L3MBTL4: variants seen among roughly 807,000 people sequenced by gnomAD.
L3MBTL4 encodes L3MBTL histone methyl-lysine binding protein 4.
In L3MBTL4, 70 loss-of-function variants were observed where a neutral mutation model predicts 84.5. That is an observed-to-expected ratio of 0.83 (90% CI 0.68 to 1.01). The LOEUF (loss-of-function observed/expected upper bound fraction) is 1.01. Among genes scored for constraint, L3MBTL4 ranks in the 50% least tolerant of loss-of-function variants. The pLI, the probability that L3MBTL4 is intolerant of heterozygous loss-of-function variation, is 0.00. For missense variants in L3MBTL4, 715 were observed against 754.8 expected (o/e 0.95, Z 0.62); for synonymous variants, 274 against 259.8 (o/e 1.05, Z -0.52).
intron 4 of L3MBTL4, among the ~76,000 whole-genome samples, chr18:6,276,297 C>T (rs58863290): frequency 0.017 from 2,577 of 152,282 alleles, 73 homozygotes; most frequent in African/African-American, 0.058. Flanking sequence ...CTCCTGAGGG[C>T]GCAGCCTTAA....
At position 6,026,904 on chromosome 18, in the gene L3MBTL4, T is replaced by C. The variant is rs529532473; in HGVS notation, c.1444+53977A>G. Among the ~76,000 whole-genome samples the C allele has an allele frequency of 1.1e-4, 16 of 152,128 alleles. No homozygotes were observed. The South Asian group carries it at 3.1e-3, about 30-fold the overall frequency. On this transcript the variant is annotated intron_variant, in intron 16 of 18. Coordinates refer to ENST00000317931, the MANE Select transcript of L3MBTL4 (RefSeq NM_001330559.2). Reference sequence around the variant, plus strand: ...CAAATCTATAATTTATTGCCTTAATTTTCCTCATGTTATGTTAAATTTAAC... The same window carrying C: ...CAAATCTATAATTTATTGCCTTAATCTTCCTCATGTTATGTTAAATTTAAC...
intron 12 of L3MBTL4, among the ~76,000 whole-genome samples, chr18:6,175,676 G>A (rs2145263673): frequency 6.6e-6 from 1 of 152,152 alleles, no homozygotes; most frequent in Non-Finnish European, 1.5e-5. Context: ...AAATAGAAGG[G>A]AACTCCCTCA....
chr18:6,334,623 C>G (rs1289147148), intron 1 of L3MBTL4, among the ~76,000 whole-genome samples: 1 of 152,054 alleles, frequency 6.6e-6, no homozygotes, highest in African/African-American at 2.4e-5. Flanking sequence ...TTTTTTCTTA[C>G]TAGTGGTCCT....
intron 5 of L3MBTL4, among the ~76,000 whole-genome samples, chr18:6,248,644 T>C (rs1021713121): frequency 1.3e-5 from 2 of 152,218 alleles, no homozygotes; most frequent in Non-Finnish European, 2.9e-5. Context: ...CAGTTATATG[T>C]AGGTTTTTCT....
At chr18:6,149,606 T>C (rs1315839422) in intron 13 of L3MBTL4, among the ~76,000 whole-genome samples, 1 of 152,128 alleles carries the variant, frequency 6.6e-6, no homozygotes, top group Admixed American at 6.6e-5. Context: ...TAGTTCTAGA[T>C]CCCTGAGGAA....
intron 1 of L3MBTL4, among the ~76,000 whole-genome samples, chr18:6,368,994 A>T (rs2054047038): frequency 6.6e-6 from 1 of 151,646 alleles, no homozygotes; most frequent in Non-Finnish European, 1.5e-5. Flanking sequence ...GTGAGCCGAG[A>T]TCTCGCCACT....
chr18:6,144,278 C>T (rs909400709), intron 13 of L3MBTL4, among the ~76,000 whole-genome samples: 8 of 148,070 alleles, frequency 5.4e-5, no homozygotes, highest in Non-Finnish European at 7.5e-5. Flanking sequence ...GAGATCATCA[C>T]TATTTTATTC....
At chr18:6,290,787 C>G (rs1487910489) in intron 4 of L3MBTL4, among the ~76,000 whole-genome samples, 3 of 152,142 alleles carry the variant, frequency 2.0e-5, no homozygotes, top group Non-Finnish European at 4.4e-5. Context: ...CTCGGCCTCC[C>G]AAACTACTAG....
chr18:5,993,192 G>A (rs576271834), intron 16 of L3MBTL4, among the ~76,000 whole-genome samples: 8 of 152,260 alleles, frequency 5.3e-5, no homozygotes, highest in Non-Finnish European at 7.4e-5. Context: ...CATAAACACC[G>A]TCCTCTGTTT....
At chr18:6,198,572 G>A (rs2045510993) in intron 12 of L3MBTL4, among the ~76,000 whole-genome samples, 1 of 152,100 alleles carries the variant, frequency 6.6e-6, no homozygotes. Context: ...TCCTTTGTCT[G>A]TTTCTCCATT....
intron 16 of L3MBTL4, among the ~76,000 whole-genome samples, chr18:6,044,974 G>A (rs1177942310): frequency 6.6e-6 from 1 of 152,180 alleles, no homozygotes; most frequent in Non-Finnish European, 1.5e-5. Flanking sequence ...CCTGCTGGTG[G>A]ACAACAGTTC....
chr18:6,166,612 G>T (rs2043672375), intron 13 of L3MBTL4, among the ~76,000 whole-genome samples: 1 of 152,154 alleles, frequency 6.6e-6, no homozygotes, highest in Non-Finnish European at 1.5e-5. Context: ...CAGAGATAAA[G>T]ATGTTCTTTG....
chr18:6,049,574 A>T (rs1014988693), intron 16 of L3MBTL4, among the ~76,000 whole-genome samples: 3 of 152,354 alleles, frequency 2.0e-5, no homozygotes, highest in Admixed American at 1.3e-4. Flanking sequence ...AACAACGTGG[A>T]TGCAGCTGGA....
chr18:6,212,454 T>C (rs1208056646), intron 12 of L3MBTL4, among the ~76,000 whole-genome samples: 1 of 152,242 alleles, frequency 6.6e-6, no homozygotes, highest in African/African-American at 2.4e-5. Flanking sequence ...AAATAACTTT[T>C]GAGCTGTAAT....
At chr18:6,145,667 T>C (rs917305831) in intron 13 of L3MBTL4, among the ~76,000 whole-genome samples, 5 of 152,204 alleles carry the variant, frequency 3.3e-5, no homozygotes, top group Admixed American at 3.3e-4. Flanking sequence ...CACTGCTTCT[T>C]TGAAAAGGGA....
chr18:6,251,593 T>C (rs1347135671), intron 5 of L3MBTL4, among the ~76,000 whole-genome samples: 1 of 152,250 alleles, frequency 6.6e-6, no homozygotes, highest in Non-Finnish European at 1.5e-5. Flanking sequence ...GGCTTTCCTG[T>C]TTGAGTGATT....
intron 1 of L3MBTL4, chr18:6,396,651 T>A (rs1417229112): frequency 6.6e-6 from 1 of 152,222 alleles, no homozygotes; most frequent in Admixed American, 6.5e-5. Flanking sequence ...AATGTACCTC[T>A]CAGTATGTGT....
intron 3 of L3MBTL4, among the ~76,000 whole-genome samples, chr18:6,304,450 C>T (rs2050493223): frequency 6.6e-6 from 1 of 152,240 alleles, no homozygotes; most frequent in Non-Finnish European, 1.5e-5. Context: ...TGCTTCTTAA[C>T]ATGCATTTGA....
chr18:6,312,603 T>C (rs2050891378), intron 1 of L3MBTL4, among the ~76,000 whole-genome samples: 1 of 152,212 alleles, frequency 6.6e-6, no homozygotes, highest in African/African-American at 2.4e-5. Context: ...ACGGTTCACC[T>C]GCCACTGGCC....
Sources: gnomAD v4.1 joint callset for allele counts (sites outside exome capture counted in the v4.1 genomes callset) on GRCh38, gnomAD v4.1.1 for gene constraint, MANE v1.5 for transcripts, NCBI Gene and HGNC (gene_info 2026-07-23, HGNC 2026-07-21) for gene names.